The following P2RY14 variants were observed in gnomAD, a reference collection of about 807,000 sequenced individuals.
P2RY14 encodes the protein P2Y purinoceptor 14.
Under a neutral mutation model 0.9 loss-of-function variants are expected in P2RY14, and 2 were observed. The observed-to-expected ratio is 2.16, with a 90% confidence interval of 0.88 to 6.79. P2RY14 has a LOEUF of 6.79. Ranked by LOEUF, P2RY14 falls within the 30% of genes most tolerant of loss-of-function variation. The probability of loss-of-function intolerance (pLI) is 0.05; values close to 1 mark genes in which losing one functional copy is unlikely to be tolerated. For synonymous variants in P2RY14, 158 were observed against 147.2 expected (o/e 1.07, Z -0.53); for missense variants, 378 against 400.1 (o/e 0.94, Z 0.47).
At chr3:151,265,904 C>A (rs1234415179) in intron 1 of P2RY14, among the ~76,000 whole-genome samples, 1 of 152,126 alleles carries the variant, frequency 6.6e-6, no homozygotes, top group Non-Finnish European at 1.5e-5. Context: ...CAGAGTCTTG[C>A]GGCCCTGAGA....
chr3:151,253,801 G>A (rs1230949162), intron 1 of P2RY14, among the ~76,000 whole-genome samples: 2 of 152,074 alleles, frequency 1.3e-5, no homozygotes, highest in African/African-American at 4.8e-5. Context: ...TACTTTCTGG[G>A]CTTGAAACAT....
At chr3:151,219,416 C>T (rs1728881747) in intron 2 of P2RY14, 119 bp downstream of exon 2, 1 of 152,152 alleles carries the variant, frequency 6.6e-6, no homozygotes, top group African/African-American at 2.4e-5. Flanking sequence ...ATTAGAACAC[C>T]TTCCACCTTC....
At chr3:151,226,772 G>A (rs928547620) in intron 1 of P2RY14, among the ~76,000 whole-genome samples, 30 of 152,080 alleles carry the variant, frequency 2.0e-4, no homozygotes, top group African/African-American at 7.0e-4. Flanking sequence ...CTTTTGATTT[G>A]CCAGTTTCTA....
intron 1 of P2RY14, among the ~76,000 whole-genome samples, chr3:151,242,259 G>A (rs973111264): frequency 6.6e-6 from 1 of 152,252 alleles, no homozygotes; most frequent in Non-Finnish European, 1.5e-5. Context: ...GCTCAAACTG[G>A]GCGGAGCCCA....
chr3:151,273,189 A>G (rs956389223), intron 1 of P2RY14, among the ~76,000 whole-genome samples: 9 of 149,714 alleles, frequency 6.0e-5, no homozygotes, highest in Non-Finnish European at 8.9e-5. Flanking sequence ...GGGAAAGAAG[A>G]TGATGCTGGC....
At chr3:151,222,184 T>C (rs1364108788) in intron 1 of P2RY14, among the ~76,000 whole-genome samples, 1 of 152,250 alleles carries the variant, frequency 6.6e-6, no homozygotes, top group Non-Finnish European at 1.5e-5. Context: ...CTGCATTGTA[T>C]CTAGGAAGTA....
At chr3:151,248,355 G>T (rs1046224022) in intron 1 of P2RY14, among the ~76,000 whole-genome samples, 7 of 152,066 alleles carry the variant, frequency 4.6e-5, no homozygotes, top group African/African-American at 1.7e-4. Flanking sequence ...AGACATCACA[G>T]CTGCCTTGCA....
chr3:151,235,295 G>T (rs1038387980), intron 1 of P2RY14, among the ~76,000 whole-genome samples: 2 of 152,164 alleles, frequency 1.3e-5, no homozygotes, highest in Non-Finnish European at 2.9e-5. Flanking sequence ...TGGGGGCAGG[G>T]CCCTGCAAGC....
chr3:151,261,212 G>C (rs896309443), intron 1 of P2RY14, among the ~76,000 whole-genome samples: 15 of 151,948 alleles, frequency 9.9e-5, no homozygotes, highest in African/African-American at 3.6e-4. Flanking sequence ...AGATTAGAGA[G>C]GTATTTTGCA....
At chr3:151,231,287 A>G (rs145237152) in intron 1 of P2RY14, among the ~76,000 whole-genome samples, 1 of 152,338 alleles carries the variant, frequency 6.6e-6, no homozygotes, top group African/African-American at 2.4e-5. Context: ...ATAAGCTTCA[A>G]TTGTGGCCAA....
At chr3:151,232,123 T>C (rs1731805336) in intron 1 of P2RY14, among the ~76,000 whole-genome samples, 1 of 152,194 alleles carries the variant, frequency 6.6e-6, no homozygotes, top group Non-Finnish European at 1.5e-5. Context: ...CTTCTTACTT[T>C]CCTGTGGGGT....
intron 1 of P2RY14, among the ~76,000 whole-genome samples, chr3:151,277,042 A>G (rs796578836): frequency 3.3e-5 from 5 of 152,076 alleles, no homozygotes; most frequent in African/African-American, 1.2e-4. Flanking sequence ...GATTACAGGC[A>G]TGCACCACTA....
chr3:151,269,298 G>A (rs959750910), intron 1 of P2RY14: 1 of 156,138 alleles, frequency 6.4e-6, no homozygotes, highest in African/African-American at 2.4e-5. Context: ...TACTTGGGAG[G>A]CTGAGGCAGG....
intron 1 of P2RY14, among the ~76,000 whole-genome samples, chr3:151,226,858 G>A (rs2149300014): frequency 6.6e-6 from 1 of 152,294 alleles, no homozygotes; most frequent in East Asian, 1.9e-4. Flanking sequence ...GAGAGATACA[G>A]AGTCGGACTA....
intron 1 of P2RY14, among the ~76,000 whole-genome samples, chr3:151,244,313 C>A (rs1349935031): frequency 8.1e-6 from 1 of 123,720 alleles, no homozygotes. Context: ...ACAGAATATA[C>A]ATTTTTTTCA....
At chr3:151,230,509 G>A (rs766437877) in intron 1 of P2RY14, among the ~76,000 whole-genome samples, 1 of 150,842 alleles carries the variant, frequency 6.6e-6, no homozygotes, top group African/African-American at 2.4e-5. Context: ...ACTACACTTT[G>A]ATGCTCATTG....
At chr3:151,225,378 C>T (rs1332936068) in intron 1 of P2RY14, among the ~76,000 whole-genome samples, 1 of 152,104 alleles carries the variant, frequency 6.6e-6, no homozygotes, top group Non-Finnish European at 1.5e-5. Context: ...CTCTGAAGCT[C>T]AAGATGGAGG....
In P2RY14 at chr3:151,218,866, C is replaced by CAAAAA. The variant is rs397686351; in HGVS notation, c.-25+664_-25+668dup. Among the ~76,000 whole-genome samples, 29 of 71,356 alleles carry CAAAAA rather than the reference C, an allele frequency of 4.1e-4. 1 individual carries two copies. The highest frequency in any genetic ancestry group is 1.7e-3 in the East Asian group (4 of 2,378). 46.8% of individuals were successfully genotyped at this position (71,356 alleles called of 152,430 possible). ...TGGGTGACAGAGCAAGACTCAGTCTCAAAAAAAAAAAAAAAAAAAAAAAAA... is the reference window on the plus strand; with the variant it reads ...TGGGTGACAGAGCAAGACTCAGTCTCAAAAAAAAAAAAAAAAAAAAAAAAAAAAAA... On this transcript the variant is annotated intron_variant, in intron 2 of 2. Coordinates refer to ENST00000309170, the MANE Select transcript of P2RY14 (RefSeq NM_014879.4).
chr3:151,227,186 A>G (rs1730684957), intron 1 of P2RY14, among the ~76,000 whole-genome samples: 1 of 152,256 alleles, frequency 6.6e-6, no homozygotes, highest in Non-Finnish European at 1.5e-5. Flanking sequence ...GTGTGGCCAC[A>G]TACTTTCATT....
Sources: gnomAD v4.1 joint callset for allele counts (sites outside exome capture counted in the v4.1 genomes callset) on GRCh38, gnomAD v4.1.1 for gene constraint, MANE v1.5 for transcripts, NCBI Gene and HGNC (gene_info 2026-07-23, HGNC 2026-07-21) for gene names.